CYP4F12: variants seen among roughly 807,000 people sequenced by gnomAD.
CYP4F12 encodes cytochrome P450 4F12.
A neutral mutation model predicts 56.5 loss-of-function variants in CYP4F12; 60 were observed. The ratio of observed to expected loss-of-function variants is 1.06; its 90% CI spans 0.86 to 1.32. The LOEUF is 1.32. CYP4F12 is among the 40% of genes most tolerant of loss of function. The pLI is 0.00. For synonymous variants in CYP4F12, 263 were observed against 264.9 expected (o/e 0.99, Z 0.07); for missense variants, 711 against 683.5 (o/e 1.04, Z -0.45).
At chr19:15,696,380 T>A (rs370017752) in intron 11 of CYP4F12, 50 bp from the exon 12 acceptor site, 5 of 1,613,312 alleles carry the variant, frequency 3.1e-6, no homozygotes, top group Non-Finnish European at 4.2e-6. Flanking sequence ...TCTCCAAGGC[T>A]GCTGGACATA....
intron 9 of CYP4F12, among the ~76,000 whole-genome samples, chr19:15,686,909 G>T (rs2007634779): frequency 6.6e-6 from 1 of 152,162 alleles, no homozygotes; most frequent in Non-Finnish European, 1.5e-5. Flanking sequence ...GTCCTAAAAG[G>T]TGGCAACACT....
At chr19:15,689,591 A>G (rs1164569127) in intron 9 of CYP4F12, among the ~76,000 whole-genome samples, 1 of 152,264 alleles carries the variant, frequency 6.6e-6, no homozygotes, top group Non-Finnish European at 1.5e-5. Context: ...CCATCCAGCA[A>G]TCTCACTACT....
chr19:15,685,283 G>T, intron 9 of CYP4F12, 86 bp downstream of exon 9: 1 of 1,544,018 alleles, frequency 6.5e-7, no homozygotes, highest in Non-Finnish European at 8.8e-7. Context: ...TTGTTTTGTG[G>T]ATTCTTCCAC....
chr19:15,678,974 C>G (rs1333449547), intron 3 of CYP4F12, among the ~76,000 whole-genome samples: 1 of 152,298 alleles, frequency 6.6e-6, no homozygotes, highest in Middle Eastern at 3.4e-3. Context: ...CTACCTCATC[C>G]TATCACTCAT....
intron 6 of CYP4F12, among the ~76,000 whole-genome samples, 175 bp downstream of exon 6, chr19:15,682,685 G>T (rs1416947464): frequency 6.6e-6 from 1 of 152,194 alleles, no homozygotes; most frequent in Non-Finnish European, 1.5e-5. Context: ...AAATATGTGT[G>T]TAAAAGCAAG....
intron 9 of CYP4F12, among the ~76,000 whole-genome samples, chr19:15,685,893 G>A (rs1170386479): frequency 6.6e-6 from 1 of 152,196 alleles, no homozygotes; most frequent in African/African-American, 2.4e-5. Flanking sequence ...GGGGGTAAAA[G>A]TCATCTATCT....
Position 15,685,072 on chromosome 19 carries a change from T to C in CYP4F12, c.990T>C (p.His330=), listed in dbSNP as rs1378577704. The C allele has an allele frequency of 6.2e-7, 1 of 1,613,778 alleles. No individual in the cohort carries two copies. The highest frequency in any genetic ancestry group is 2.2e-5 in the East Asian group (1 of 44,876). The change falls in exon 9 of 13, where the codon CAT becomes CAC. Residue 330 remains histidine (H), a synonymous_variant. Coordinates refer to ENST00000550308, the MANE Select transcript of CYP4F12 (RefSeq NM_023944.4). ...AEADTFMFGG[H]DTTASGLSWV... ...GCTTACCTGGCTGCTCCTCAGGCCA[T>C]GACACCACGGCCAGTGGCCTCTCCT...
intron 3 of CYP4F12, among the ~76,000 whole-genome samples, chr19:15,679,779 C>T (rs2007181627): frequency 6.6e-6 from 1 of 152,198 alleles, no homozygotes; most frequent in African/African-American, 2.4e-5. Context: ...TTGAAGAAAA[C>T]TCTTGGTTCC....
At chr19:15,691,773 G>T (rs113459354) in intron 9 of CYP4F12, among the ~76,000 whole-genome samples, 1 of 80,428 alleles carries the variant, frequency 1.2e-5, no homozygotes, top group South Asian at 4.8e-4. Flanking sequence ...TTTTTATGAA[G>T]TTACATTTGT....
At chr19:15,695,866 G>A in intron 9 of CYP4F12, 70 bp from the exon 10 acceptor site, 1 of 1,535,292 alleles carries the variant, frequency 6.5e-7, no homozygotes, top group Non-Finnish European at 8.7e-7. Context: ...GGTCTCATTT[G>A]CAAATAGAAA....
intron 9 of CYP4F12, among the ~76,000 whole-genome samples, chr19:15,694,421 A>G (rs1236218080): frequency 2.0e-5 from 3 of 151,966 alleles, no homozygotes; most frequent in African/African-American, 7.3e-5. Context: ...TGTAAGTTGG[A>G]TTCCTAGGTA....
At chr19:15,680,341 G>C in intron 4 of CYP4F12, 44 bp downstream of exon 4, 1 of 1,613,410 alleles carries the variant, frequency 6.2e-7, no homozygotes, top group Non-Finnish European at 8.5e-7. Flanking sequence ...ACCTTGCGGG[G>C]AGGGTAGGGG....
chr19:15,685,154 G>A lies in CYP4F12; in HGVS notation c.1072G>A (p.Val358Met). The A allele has an allele frequency of 6.2e-7, 1 of 1,614,156 alleles. No homozygotes were observed. The highest frequency in any genetic ancestry group is 8.5e-7 in the Non-Finnish European group (1 of 1,180,004). ...PEYQERCRQE[V>M]QELLKDRDPK... The stretch of plus-strand genomic sequence containing the variant: ...ATACCAGGAGCGCTGCCGACAGGAG[G>A]TGCAAGAGCTTCTGAAGGACCGCGA... The change falls in exon 9 of 13, where the codon GTG (valine) becomes ATG (methionine). Residue 358 changes from valine to methionine, a missense_variant. Coordinates refer to ENST00000550308, the MANE Select transcript of CYP4F12 (RefSeq NM_023944.4).
intron 9 of CYP4F12, among the ~76,000 whole-genome samples, chr19:15,692,590 A>G (rs1050786842): frequency 6.6e-6 from 1 of 152,192 alleles, no homozygotes; most frequent in East Asian, 1.9e-4. Flanking sequence ...CCTTCTGGAA[A>G]AAAGGCAACT....
chr19:15,680,639 C>G, intron 5 of CYP4F12, 120 bp downstream of exon 5: 7 of 1,308,284 alleles, frequency 5.4e-6, no homozygotes, highest in South Asian at 1.2e-5. Flanking sequence ...CCTCTCTGAG[C>G]CTTGGTTTCC....
chr19:15,675,555 G>A (rs1377585606), intron 2 of CYP4F12, among the ~76,000 whole-genome samples: 6 of 152,198 alleles, frequency 3.9e-5, no homozygotes, highest in African/African-American at 1.4e-4. Context: ...TCCTTCCATG[G>A]GGACCTTCCC....
chr19:15,685,074 A>G lies in CYP4F12; in HGVS notation c.992A>G (p.Asp331Gly), dbSNP rs202035909. 229 of 1,613,570 alleles carry G rather than the reference A, an allele frequency of 1.4e-4. No homozygotes were observed. Among genetic ancestry groups the G allele is most frequent in the Non-Finnish European group, 1.9e-4 (221 of 1,179,830 alleles). ...EADTFMFGGH[D>G]TTASGLSWVL... ...TTACCTGGCTGCTCCTCAGGCCATG[A>G]CACCACGGCCAGTGGCCTCTCCTGG... Residue 331 changes from aspartate to glycine, a missense_variant, in exon 9 of 13, where the codon GAC (aspartate) becomes GGC (glycine). Physicochemically the swap from Asp to Gly is moderately conservative, Grantham distance 94. Coordinates refer to ENST00000550308, the MANE Select transcript of CYP4F12 (RefSeq NM_023944.4).
At chr19:15,687,276 CA>C (rs11306327) in intron 9 of CYP4F12, among the ~76,000 whole-genome samples, 79,279 of 145,170 alleles carry the variant, frequency 0.55, 21,974 homozygotes, top group East Asian at 0.89. Flanking sequence ...GACTCTTTCT[CA>C]AAAAAAAAAA....
chr19:15,673,622 C>T lies in CYP4F12; in HGVS notation c.93C>T (p.Leu31=), dbSNP rs376918503. ...TGCTGGTTGTGGGCTCCTGGCTACT[C>T]GCCCGCATCCTGGCTTGGACCTATG... is the stretch of plus-strand genomic sequence containing the variant. ...LLLLVVGSWL[L]ARILAWTYAF... The change falls in exon 2 of 13, where the codon CTC becomes CTT. Residue 31 remains leucine (L), a synonymous_variant. Transcript: ENST00000550308. 105 of 1,614,074 alleles carry T rather than the reference C, an allele frequency of 6.5e-5. No homozygotes were observed. Among genetic ancestry groups the T allele is most frequent in the Admixed American group, 1.3e-4 (8 of 60,006 alleles).
Sources: gnomAD v4.1 joint callset for allele counts (sites outside exome capture counted in the v4.1 genomes callset) on GRCh38, gnomAD v4.1.1 for gene constraint, MANE v1.5 for transcripts, NCBI Gene and HGNC (gene_info 2026-07-23, HGNC 2026-07-21) for gene names.